The following BBS9 variants were observed in gnomAD, a reference collection of about 807,000 sequenced individuals.
BBS9 encodes the protein Bardet-Biedl syndrome 9, also known as protein PTHB1.
BBS9 carries 89 observed loss-of-function variants against 117.7 expected under a neutral mutation model. The ratio of observed to expected loss-of-function variants is 0.76; its 90% CI spans 0.64 to 0.90. The LOEUF (loss-of-function observed/expected upper bound fraction) is 0.90, where lower values mean the gene tolerates loss of function less well. Ranked by LOEUF, BBS9 falls within the 40% of genes least tolerant of loss-of-function variation. The pLI is 0.00. For missense variants in BBS9, 982 were observed against 1,042.2 expected (o/e 0.94, Z 0.80); for synonymous variants, 379 against 370.9 (o/e 1.02, Z -0.25).
At chr7:33,411,392 A>T (rs184032663) in intron 19 of BBS9, among the ~76,000 whole-genome samples, 1 of 152,150 alleles carries the variant, frequency 6.6e-6, no homozygotes, top group Admixed American at 6.5e-5. Context: ...CCACAAACCT[A>T]TTGTTAAACA....
intron 9 of BBS9, among the ~76,000 whole-genome samples, chr7:33,307,491 A>ATT (rs749547324): frequency 1.4e-5 from 2 of 144,996 alleles, no homozygotes. Flanking sequence ...TAACTATTGC[A>ATT]TTTTTTTTTT....
chr7:33,183,639 A>C (rs1798393993), intron 5 of BBS9, among the ~76,000 whole-genome samples: 1 of 152,352 alleles, frequency 6.6e-6, no homozygotes, highest in Non-Finnish European at 1.5e-5. Context: ...AGCCTAGAGC[A>C]GTCAATTTTG....
chr7:33,553,901 A>G (rs76800784), intron 21 of BBS9, among the ~76,000 whole-genome samples: 11,499 of 152,110 alleles, frequency 0.076, 586 homozygotes, highest in South Asian at 0.11. Flanking sequence ...CTATACAACT[A>G]AACATGAGAA....
At chr7:33,259,324 C>T (rs1797585376) in intron 6 of BBS9, among the ~76,000 whole-genome samples, 1 of 152,130 alleles carries the variant, frequency 6.6e-6, no homozygotes, top group Non-Finnish European at 1.5e-5. Flanking sequence ...GGCTAGGGAT[C>T]TCAAACTTCA....
intron 9 of BBS9, among the ~76,000 whole-genome samples, chr7:33,329,820 A>G (rs1438663412): frequency 6.6e-6 from 1 of 152,214 alleles, no homozygotes; most frequent in Non-Finnish European, 1.5e-5. Flanking sequence ...TGAGGTGTTA[A>G]TCAAATATAC....
At chr7:33,490,863 T>C (rs905959656) in intron 19 of BBS9, among the ~76,000 whole-genome samples, 1 of 152,210 alleles carries the variant, frequency 6.6e-6, no homozygotes, top group Non-Finnish European at 1.5e-5. Context: ...TCTAGCTCCG[T>C]GGAGTTCTTT....
chr7:33,268,006 G>C (rs1007493462), intron 7 of BBS9, among the ~76,000 whole-genome samples: 1 of 152,154 alleles, frequency 6.6e-6, no homozygotes, highest in Non-Finnish European at 1.5e-5. Flanking sequence ...TTGTTCTCAA[G>C]ACTTGTTAAG....
chr7:33,450,767 A>G (rs1837688689), intron 19 of BBS9, among the ~76,000 whole-genome samples: 1 of 150,772 alleles, frequency 6.6e-6, no homozygotes, highest in Non-Finnish European at 1.5e-5. Context: ...TATATTCTGG[A>G]TATTAATTCT....
chr7:33,155,629 GT>G lies in BBS9; in HGVS notation c.264-4del. 6.3e-7 allele frequency: 1 copy of G among 1,589,076 alleles called. No individual in the cohort carries two copies. Among genetic ancestry groups the G allele is most frequent in the Non-Finnish European group, 8.6e-7 (1 of 1,159,574 alleles). On this transcript the variant is annotated splice_polypyrimidine_tract_variant and splice_region_variant and intron_variant, in intron 3 of 22. Transcript: ENST00000242067. ...TTGGAAAACTTTAAAAACTTTCTCT[GT>G]TTTTCAGAGGTACCGAAATGCTACA...
intron 14 of BBS9, 66 bp downstream of exon 14, chr7:33,351,389 A>T: frequency 2.0e-6 from 2 of 1,010,712 alleles, no homozygotes; most frequent in Non-Finnish European, 3.2e-6. Context: ...TTATGCATTT[A>T]AGATGAGAAA....
intron 5 of BBS9, among the ~76,000 whole-genome samples, chr7:33,205,391 A>G (rs1171617066): frequency 6.6e-6 from 1 of 152,228 alleles, no homozygotes; most frequent in Non-Finnish European, 1.5e-5. Context: ...CCAACCCATT[A>G]GCTATTGCCC....
intron 19 of BBS9, among the ~76,000 whole-genome samples, chr7:33,476,786 T>C (rs960808324): frequency 6.6e-5 from 10 of 152,240 alleles, no homozygotes; most frequent in Non-Finnish European, 1.3e-4. Flanking sequence ...TCTTGTCATA[T>C]AAACCTAAAA....
intron 3 of BBS9, among the ~76,000 whole-genome samples, chr7:33,153,146 T>C (rs1458551388): frequency 1.3e-5 from 2 of 152,138 alleles, no homozygotes; most frequent in Non-Finnish European, 2.9e-5. Context: ...ATAAGAAGTA[T>C]CTACTTATTT....
At chr7:33,209,280 C>A (rs1229393408) in intron 5 of BBS9, among the ~76,000 whole-genome samples, 2 of 152,144 alleles carry the variant, frequency 1.3e-5, no homozygotes, top group African/African-American at 4.8e-5. Flanking sequence ...GGATCTCATT[C>A]TTTTTATGGC....
At chr7:33,589,457 C>T (rs1861505845) in intron 21 of BBS9, among the ~76,000 whole-genome samples, 1 of 152,076 alleles carries the variant, frequency 6.6e-6, no homozygotes, top group Non-Finnish European at 1.5e-5. Context: ...CTGCAGATTA[C>T]TGTAATTCAG....
intron 5 of BBS9, among the ~76,000 whole-genome samples, chr7:33,227,372 T>A (rs919705571): frequency 2.6e-5 from 4 of 152,116 alleles, no homozygotes; most frequent in African/African-American, 9.7e-5. Flanking sequence ...AGTCTCAAAC[T>A]CTTGACCTCA....
chr7:33,590,459 G>GTTTTTTTTTTTTTTTGTTTTTTT, intron 21 of BBS9, among the ~76,000 whole-genome samples: 1 of 101,508 alleles, frequency 9.9e-6, no homozygotes, highest in Non-Finnish European at 2.0e-5. Flanking sequence ...TTGTTTTTTT[G>GTTTTTTTTTTTTTTTGTTTTTTT]TTTTTTTTTT....
rs771129780 is a variant in BBS9 at position 33,152,794 on chromosome 7, T to C, written c.206T>C (p.Leu69Pro). 3.1e-6 allele frequency: 5 copies of C among 1,614,024 alleles called. No homozygotes were observed. Among genetic ancestry groups the C allele is most frequent in the Non-Finnish European group, 4.2e-6 (5 of 1,179,972 alleles). The stretch of plus-strand genomic sequence containing the variant: ...GATGGAGCTCAAGCCGAAGATTTGC[T>C]TCTAGAAGTGGATCTACGAGATCCA... The part of the protein sequence containing the change: ...TGDGAQAEDL[L>P]LEVDLRDPVL... Residue 69 changes from leucine (L) to proline (P), a missense_variant, in exon 3 of 23, where the codon CTT (leucine) becomes CCT (proline). Physicochemically the swap from Leu to Pro is moderately conservative, Grantham distance 98 (BLOSUM62 -3). Transcript: ENST00000242067.
intron 21 of BBS9, among the ~76,000 whole-genome samples, chr7:33,574,911 T>G (rs1375710673): frequency 6.6e-6 from 1 of 152,124 alleles, no homozygotes; most frequent in Non-Finnish European, 1.5e-5. Flanking sequence ...AAAATATGCA[T>G]ACTTTAAATA....
Sources: allele counts gnomAD v4.1 joint callset (sites outside exome capture counted in the v4.1 genomes callset), GRCh38; gene constraint gnomAD v4.1.1; transcripts MANE v1.5; gene names NCBI Gene and HGNC (gene_info 2026-07-23, HGNC 2026-07-21).